The following CRPPA variants were observed in gnomAD, a reference collection of about 807,000 sequenced individuals.
CRPPA encodes the protein CDP-L-ribitol pyrophosphorylase A, also known as D-ribitol-5-phosphate cytidylyltransferase.
Under a neutral mutation model 52.0 loss-of-function variants are expected in CRPPA, and 43 were observed. The observed-to-expected ratio is 0.83, with a 90% CI of 0.65 to 1.07. The LOEUF is 1.07. CRPPA is among the 50% of genes least tolerant of loss of function. The pLI, the probability that CRPPA is intolerant of heterozygous loss-of-function variation, is 0.00. For synonymous variants in CRPPA, 250 were observed against 203.5 expected, an observed-to-expected ratio of 1.23 and a Z score of -1.94; for missense variants, 629 against 551.7, an observed-to-expected ratio of 1.14 and a Z score of -1.40.
intron 9 of CRPPA, among the ~76,000 whole-genome samples, chr7:16,191,376 C>T (rs1781606018): frequency 6.6e-6 from 1 of 152,070 alleles, no homozygotes; most frequent in Non-Finnish European, 1.5e-5. Flanking sequence ...TTATCTTCAT[C>T]AGTTATAACA....
intron 9 of CRPPA, among the ~76,000 whole-genome samples, chr7:16,196,649 T>C (rs1781742136): frequency 1.3e-5 from 2 of 152,116 alleles, no homozygotes; most frequent in African/African-American, 4.8e-5. Context: ...CATTATAGTA[T>C]CTAGAGAAAG....
intron 2 of CRPPA, among the ~76,000 whole-genome samples, chr7:16,380,676 T>C (rs1787060567): frequency 1.3e-5 from 2 of 152,232 alleles, no homozygotes; most frequent in South Asian, 2.1e-4. Flanking sequence ...GAGCCTGTTA[T>C]TGGTCTACTC....
intron 9 of CRPPA, among the ~76,000 whole-genome samples, chr7:16,122,908 C>A (rs1043785773): frequency 2.0e-5 from 3 of 151,952 alleles, no homozygotes; most frequent in Admixed American, 2.0e-4. Context: ...ACTTTGTACA[C>A]CCCTTTATAG....
chr7:16,262,738 T>A (rs1248713741), intron 6 of CRPPA, among the ~76,000 whole-genome samples: 4 of 152,176 alleles, frequency 2.6e-5, no homozygotes, highest in Non-Finnish European at 5.9e-5. Flanking sequence ...AGCTTCTCAA[T>A]CTGCTTCTAA....
At chr7:16,275,162 G>A (rs575052255) in intron 6 of CRPPA, among the ~76,000 whole-genome samples, 133 of 152,144 alleles carry the variant, frequency 8.7e-4, no homozygotes, top group African/African-American at 2.2e-3. Flanking sequence ...AAAAATGGGA[G>A]TAAACCAAGA....
In CRPPA at chr7:16,158,086, A is replaced by C. The variant is rs903421480; in HGVS notation, c.1251+57980T>G. ...ATTTTAGTAGAGACGGGGTTTCACC[A>C]TGTTGGCCAGGCTGATCTTGATCTC... On this transcript the variant is annotated intron_variant, in intron 9 of 9. Transcript: ENST00000407010. 1.2e-4 allele frequency among the ~76,000 whole-genome samples: 18 copies of C among 147,452 alleles called. No homozygotes were observed. In the South Asian group the frequency reaches 3.9e-3, roughly 32 times the overall value.
intron 9 of CRPPA, among the ~76,000 whole-genome samples, chr7:16,176,853 C>T (rs530012894): frequency 1.2e-4 from 19 of 152,156 alleles, no homozygotes; most frequent in Non-Finnish European, 7.4e-5. Flanking sequence ...TATTTAATAA[C>T]GGAACATGAA....
intron 3 of CRPPA, among the ~76,000 whole-genome samples, chr7:16,314,170 TA>T (rs1785093738): frequency 1.3e-5 from 2 of 150,468 alleles, no homozygotes; most frequent in Non-Finnish European, 2.9e-5. Context: ...GCCTCACATA[TA>T]AGGATGGTCT....
At chr7:16,183,682 A>G (rs965721373) in intron 9 of CRPPA, among the ~76,000 whole-genome samples, 2 of 152,072 alleles carry the variant, frequency 1.3e-5, no homozygotes, top group Non-Finnish European at 2.9e-5. Flanking sequence ...TCCTCAGTGT[A>G]ATGGCCTATG....
At chr7:16,207,445 C>T (rs976508737) in intron 9 of CRPPA, among the ~76,000 whole-genome samples, 1 of 152,186 alleles carries the variant, frequency 6.6e-6, no homozygotes, top group African/African-American at 2.4e-5. Flanking sequence ...ACGTGATGCT[C>T]TCCAATGGAT....
At chr7:16,186,185 T>G (rs1220189810) in intron 9 of CRPPA, among the ~76,000 whole-genome samples, 1 of 152,210 alleles carries the variant, frequency 6.6e-6, no homozygotes, top group East Asian at 1.9e-4. Flanking sequence ...ACTGAATGTA[T>G]GTGCTCCCTA....
intron 9 of CRPPA, among the ~76,000 whole-genome samples, chr7:16,140,262 C>G (rs1010824995): frequency 6.6e-6 from 1 of 152,116 alleles, no homozygotes; most frequent in African/African-American, 2.4e-5. Flanking sequence ...ATTCTTGTGC[C>G]TCAGGCTCCT....
chr7:16,280,959 G>T (rs1042963909), intron 5 of CRPPA, among the ~76,000 whole-genome samples: 3 of 152,138 alleles, frequency 2.0e-5, no homozygotes, highest in African/African-American at 7.2e-5. Context: ...GGCAGAGGTT[G>T]CACTGAGCCA....
intron 3 of CRPPA, among the ~76,000 whole-genome samples, chr7:16,326,346 G>A (rs553751830): frequency 1.3e-5 from 2 of 152,294 alleles, no homozygotes; most frequent in Non-Finnish European, 2.9e-5. Flanking sequence ...TCACTGTGAT[G>A]ATATCAAGGC....
chr7:16,155,614 T>C (rs1007252890), intron 9 of CRPPA, among the ~76,000 whole-genome samples: 1 of 152,250 alleles, frequency 6.6e-6, no homozygotes, highest in African/African-American at 2.4e-5. Context: ...CTTGTGATTT[T>C]CTTAATAACA....
intron 2 of CRPPA, among the ~76,000 whole-genome samples, chr7:16,398,870 A>C (rs1251284505): frequency 6.6e-6 from 1 of 152,256 alleles, no homozygotes. Flanking sequence ...TGTGTCCAAC[A>C]CGTGACTCAC....
chr7:16,260,491 G>C (rs73684112), intron 6 of CRPPA, among the ~76,000 whole-genome samples: 1,872 of 152,048 alleles, frequency 0.012, 41 homozygotes, highest in African/African-American at 0.043. Flanking sequence ...AAAAAACCGA[G>C]TGCTACATTT....
At chr7:16,349,692 C>T (rs1288054642) in intron 3 of CRPPA, among the ~76,000 whole-genome samples, 1 of 151,362 alleles carries the variant, frequency 6.6e-6, no homozygotes, top group Non-Finnish European at 1.5e-5. Context: ...TCAAAGATCA[C>T]CAGAAATCAC....
At chr7:16,332,934 GA>G (rs950123290) in intron 3 of CRPPA, among the ~76,000 whole-genome samples, 9 of 149,550 alleles carry the variant, frequency 6.0e-5, no homozygotes, top group East Asian at 5.9e-4. Flanking sequence ...TAAATGGACG[GA>G]AAAAAAAACC....
Sources: allele counts gnomAD v4.1 joint callset (sites outside exome capture counted in the v4.1 genomes callset), GRCh38; gene constraint gnomAD v4.1.1; transcripts MANE v1.5; gene names NCBI Gene and HGNC (gene_info 2026-07-23, HGNC 2026-07-21).